ADAMTSL1: variants seen among roughly 807,000 people sequenced by gnomAD.
The protein encoded by ADAMTSL1 is ADAMTS-like protein 1.
In ADAMTSL1, 126 loss-of-function variants were observed where a neutral mutation model predicts 201.8. The ratio of observed to expected loss-of-function variants is 0.62; its 90% CI spans 0.54 to 0.72. The LOEUF is 0.72. Ranked by LOEUF, ADAMTSL1 falls within the 30% of genes least tolerant of loss-of-function variation. The pLI is 0.00. For synonymous variants in ADAMTSL1, 1,121 were observed against 903.4 expected (o/e 1.24, Z -4.32); for missense variants, 2,679 against 2,277.8 (o/e 1.18, Z -3.59).
intron 2 of ADAMTSL1, among the ~76,000 whole-genome samples, chr9:18,520,556 A>G (rs1355863998): frequency 1.3e-5 from 2 of 152,202 alleles, no homozygotes; most frequent in African/African-American, 4.8e-5. Flanking sequence ...TCCTCTGATC[A>G]GTTTAAAATT....
chr9:18,080,138 G>C (rs1823426861), intron 1 of ADAMTSL1, among the ~76,000 whole-genome samples: 4 of 152,232 alleles, frequency 2.6e-5, no homozygotes, highest in Admixed American at 2.6e-4. Flanking sequence ...GTGATGGATA[G>C]CTCATATTCT....
intron 13 of ADAMTSL1, among the ~76,000 whole-genome samples, chr9:18,687,720 G>T (rs1830920488): frequency 6.6e-6 from 1 of 152,156 alleles, no homozygotes; most frequent in African/African-American, 2.4e-5. Context: ...GGACAAGATT[G>T]GTTAGCACTC....
intron 2 of ADAMTSL1, among the ~76,000 whole-genome samples, chr9:18,256,616 C>A (rs1478810832): frequency 6.6e-6 from 1 of 152,158 alleles, no homozygotes; most frequent in African/African-American, 2.4e-5. Flanking sequence ...TTGGGGAAGA[C>A]CAAGGAGCCA....
At chr9:18,245,832 G>T (rs918105073) in intron 2 of ADAMTSL1, among the ~76,000 whole-genome samples, 2 of 151,846 alleles carry the variant, frequency 1.3e-5, no homozygotes, top group Non-Finnish European at 2.9e-5. Context: ...TTTAAATCAA[G>T]TTTCTGCATG....
chr9:18,364,810 C>G (rs1254991310), intron 2 of ADAMTSL1, among the ~76,000 whole-genome samples: 6 of 152,072 alleles, frequency 3.9e-5, no homozygotes, highest in Non-Finnish European at 1.5e-5. Context: ...ACAGGCAGGT[C>G]ACACATGGCT....
intron 2 of ADAMTSL1, among the ~76,000 whole-genome samples, chr9:18,290,982 C>T (rs559885097): frequency 6.6e-6 from 1 of 152,110 alleles, no homozygotes; most frequent in South Asian, 2.1e-4. Context: ...GGGGTTTCAC[C>T]TTGTTAGCCA....
Position 18,817,217 on chromosome 9 carries a change from C to T in ADAMTSL1, c.3914C>T (p.Thr1305Ile), listed in dbSNP as rs775428136. Reference sequence around the variant, plus strand: ...AAAACAGTGCAGGGAGTGAATGTGACAATCAACTGCCAGGTTGCAGGTGAG... The same window carrying T: ...AAAACAGTGCAGGGAGTGAATGTGATAATCAACTGCCAGGTTGCAGGTGAG... Reference protein sequence around the residue: ...TIKTVQGVNVTINCQVAGVPE... With the variant: ...TIKTVQGVNVIINCQVAGVPE... The change falls in exon 21 of 29, where the codon ACA becomes ATA. Residue 1305 changes from threonine to isoleucine, a missense_variant. Transcript: ENST00000380548. The T allele has an allele frequency of 7.1e-6, 11 of 1,557,678 alleles. No individual in the cohort carries two copies. The East Asian group carries it at 1.9e-4, about 27-fold the overall frequency.
At chr9:18,711,128 A>T (rs483950) in intron 14 of ADAMTSL1, among the ~76,000 whole-genome samples, 43,232 of 152,154 alleles carry the variant, frequency 0.28, 6,479 homozygotes, top group Middle Eastern at 0.36. Context: ...TCATTAAAAA[A>T]TTGTTTGAAA....
At chr9:18,621,212 G>T (rs997196486) in intron 4 of ADAMTSL1, among the ~76,000 whole-genome samples, 3 of 152,080 alleles carry the variant, frequency 2.0e-5, no homozygotes, top group African/African-American at 7.2e-5. Context: ...ATACAACCTG[G>T]CATAGTTTGG....
chr9:17,936,297 G>A (rs984151242), intron 1 of ADAMTSL1, among the ~76,000 whole-genome samples: 7 of 152,034 alleles, frequency 4.6e-5, no homozygotes. Flanking sequence ...AAAAATCACT[G>A]TAGTCCATTT....
chr9:18,676,235 G>A (rs550186282), intron 10 of ADAMTSL1, among the ~76,000 whole-genome samples: 161 of 151,946 alleles, frequency 1.1e-3, no homozygotes, highest in Non-Finnish European at 1.8e-3. Context: ...CCTCTCAATA[G>A]GACCCTAGTC....
At chr9:18,299,532 A>C (rs111287845) in intron 2 of ADAMTSL1, among the ~76,000 whole-genome samples, 2 of 152,234 alleles carry the variant, frequency 1.3e-5, no homozygotes, top group East Asian at 3.9e-4. Flanking sequence ...GAGAGATCTC[A>C]GGGAGAGAAC....
At chr9:18,049,186 C>T (rs1410747860) in intron 1 of ADAMTSL1, among the ~76,000 whole-genome samples, 2 of 152,154 alleles carry the variant, frequency 1.3e-5, no homozygotes, top group African/African-American at 2.4e-5. Context: ...CTACAAAGAC[C>T]CTATTTCCAA....
At chr9:18,687,019 G>A (rs939116361) in intron 13 of ADAMTSL1, among the ~76,000 whole-genome samples, 4 of 152,142 alleles carry the variant, frequency 2.6e-5, no homozygotes, top group Non-Finnish European at 5.9e-5. Context: ...TGCCATCTTG[G>A]CATGATTAAT....
At chr9:18,003,662 C>T (rs1205105628) in intron 1 of ADAMTSL1, among the ~76,000 whole-genome samples, 4 of 152,072 alleles carry the variant, frequency 2.6e-5, no homozygotes, top group African/African-American at 9.7e-5. Context: ...CCAAATGTTA[C>T]ATAACATCAT....
At chr9:18,727,644 ATATGTTTAT>A (rs1478811967) in intron 15 of ADAMTSL1, among the ~76,000 whole-genome samples, 1 of 152,224 alleles carries the variant, frequency 6.6e-6, no homozygotes, top group East Asian at 1.9e-4. Context: ...GGTAAAGGTT[ATATGTTTAT>A]TTGCCTCAGG....
chr9:17,933,130 A>G (rs993415565), intron 1 of ADAMTSL1, among the ~76,000 whole-genome samples: 3 of 152,180 alleles, frequency 2.0e-5, no homozygotes, highest in Non-Finnish European at 4.4e-5. Flanking sequence ...TCAGAAATCC[A>G]AAATAAAGGT....
At chr9:18,119,557 C>G (rs1825409949) in intron 1 of ADAMTSL1, among the ~76,000 whole-genome samples, 3 of 152,226 alleles carry the variant, frequency 2.0e-5, no homozygotes, top group Admixed American at 2.0e-4. Context: ...CCCAGCTTGG[C>G]CTCCCAAAGT....
intron 2 of ADAMTSL1, among the ~76,000 whole-genome samples, chr9:18,172,295 A>G (rs893244403): frequency 6.6e-6 from 1 of 152,136 alleles, no homozygotes; most frequent in African/African-American, 2.4e-5. Flanking sequence ...GAACTCCTAG[A>G]GATCATTCTT....
Sources: allele counts gnomAD v4.1 joint callset (sites outside exome capture counted in the v4.1 genomes callset), GRCh38; gene constraint gnomAD v4.1.1; transcripts MANE v1.5; gene names NCBI Gene and HGNC (gene_info 2026-07-23, HGNC 2026-07-21).